Variants in SPIN2A observed in about 807,000 individuals in gnomAD.
The protein encoded by SPIN2A is spindlin-2A.
SPIN2A carries 4 observed loss-of-function variants against 9.2 expected under a neutral mutation model. The observed-to-expected ratio is 0.44, with a 90% confidence interval of 0.21 to 1.00. The LOEUF (loss-of-function observed/expected upper bound fraction) is 1.00. Ranked by LOEUF, SPIN2A falls within the 50% of genes least tolerant of loss-of-function variation. The pLI is 0.26. For missense variants in SPIN2A, 77 were observed against 172.8 expected (o/e 0.45, Z 3.11); for synonymous variants, 25 against 61.2 (o/e 0.41, Z 2.76).
chrX:57,144,944 A>ACACC, the SPIN2A span, among the ~76,000 whole-genome samples: 2 of 108,164 alleles, frequency 1.8e-5, no homozygotes, highest in East Asian at 2.9e-4. Flanking sequence ...ACACACACAC[A>ACACC]CCACAATTTC....
chrX:57,138,531 A>G (rs1927905409), upstream of SPIN2A, among the ~76,000 whole-genome samples: 1 of 111,100 alleles, frequency 9.0e-6, no homozygotes, highest in Admixed American at 9.6e-5. Flanking sequence ...ATGTGAGTGC[A>G]GATAGCTCGT....
upstream of SPIN2A, chrX:57,137,406 C>A (rs1020285120): frequency 5.4e-6 from 4 of 734,154 alleles, no homozygotes; most frequent in Non-Finnish European, 6.4e-6. Context: ...AGCACTGCAG[C>A]GGTGTCCCCA....
downstream of SPIN2A, chrX:57,135,183 TC>T (rs1927649873): frequency 8.6e-6 from 1 of 115,956 alleles, no homozygotes; most frequent in African/African-American, 3.3e-5. Flanking sequence ...CATAGCCTCT[TC>T]CTTTGTGTAT....
Position 57,135,940 on chromosome X carries a change from C to A in SPIN2A, c.658G>T (p.Asp220Tyr). 1.7e-6 allele frequency: 2 copies of A among 1,210,156 alleles called. No individual in the cohort carries two copies. Among genetic ancestry groups the A allele is most frequent in the Non-Finnish European group, 2.2e-6 (2 of 894,789 alleles). Residue 220 changes from aspartate to tyrosine, a missense_variant, in exon 2 of 2, where the codon GAT becomes TAT. This residue lies in a region of SPIN2A where 36 missense variants were observed against 47.6 expected (regional missense o/e 0.76). Transcript: ENST00000374906. ...ACCATGCCGATCCTTTTGGAGCCAT[C>A]TTCTTTGGTATATTCCACATGCTTA... ...IGKHVEYTKE[D>Y]GSKRIGMVIH...
At chrX:57,146,359 T>C in the SPIN2A span, among the ~76,000 whole-genome samples, 1 of 111,779 alleles carries the variant, frequency 8.9e-6, no homozygotes, top group Admixed American at 9.5e-5. Flanking sequence ...TTGATTTGAT[T>C]CTCAGCTTGG....
Position 57,136,146 on chromosome X carries a change from A to G in SPIN2A, c.452T>C (p.Val151Ala). ...HGSKDEWRGM[V>A]LAQAPIMKAW... ...TTTCATGATAGGTGCTTGAGCTAAG[A>G]CCATCCCCCTCCATTCATCCTTAGA... Residue 151 changes from valine to alanine, a missense_variant, in exon 2 of 2, where the codon GTC becomes GCC. By Grantham distance (64) the Val-to-Ala change is moderately conservative. Coordinates refer to ENST00000374906, the MANE Select transcript of SPIN2A (RefSeq NM_019003.5). 8.3e-7 allele frequency: 1 copy of G among 1,209,941 alleles called. No homozygotes were observed. Among genetic ancestry groups the G allele is most frequent in the Non-Finnish European group, 1.1e-6 (1 of 895,108 alleles).
intron 1 of SPIN2A, chrX:57,136,889 CT>C (rs1328196492): frequency 8.9e-6 from 6 of 674,003 alleles, no homozygotes; most frequent in Non-Finnish European, 1.1e-5. Context: ...TCCCTTTACC[CT>C]TTACTGCCAC....
At chrX:57,135,599 A>G, downstream of SPIN2A, 1 of 731,980 alleles carries the variant, frequency 1.4e-6, no homozygotes. Flanking sequence ...TGCCCCATCT[A>G]CCAAACACAC....
intron 1 of SPIN2A, 180 bp downstream of exon 1, chrX:57,137,080 C>T: frequency 1.3e-6 from 1 of 792,500 alleles, no homozygotes; most frequent in Admixed American, 6.9e-5. Context: ...TATTCCTACC[C>T]CCTTTCCCTG....
chrX:57,143,419 C>T, the SPIN2A span, among the ~76,000 whole-genome samples: 8 of 110,386 alleles, frequency 7.2e-5, no homozygotes, highest in African/African-American at 2.6e-4. Context: ...TCCCCCCTTA[C>T]GACTTTTTGT....
upstream of SPIN2A, among the ~76,000 whole-genome samples, chrX:57,139,485 C>T (rs955016528): frequency 3.6e-5 from 4 of 111,404 alleles, no homozygotes; most frequent in Admixed American, 9.5e-5. Flanking sequence ...TTTTTTGAGA[C>T]GGAGTCTTGC....
intron 1 of SPIN2A, chrX:57,136,839 G>GC: frequency 2.2e-6 from 1 of 446,413 alleles, no homozygotes; most frequent in Non-Finnish European, 3.8e-6. Flanking sequence ...CTCTGCAGAA[G>GC]TGGCTGGGCC....
chrX:57,146,370 T>G, the SPIN2A span, among the ~76,000 whole-genome samples: 3 of 111,732 alleles, frequency 2.7e-5, no homozygotes, highest in African/African-American at 9.7e-5. Flanking sequence ...CTCAGCTTGG[T>G]CACTGTTGGT....
chrX:57,143,670 G>C, the SPIN2A span, among the ~76,000 whole-genome samples: 1 of 110,473 alleles, frequency 9.1e-6, no homozygotes, highest in African/African-American at 3.3e-5. Flanking sequence ...TAGACAGGGG[G>C]TTTCTCCATG....
upstream of SPIN2A, among the ~76,000 whole-genome samples, chrX:57,141,330 A>G (rs1244340515): frequency 1.8e-5 from 2 of 112,076 alleles, no homozygotes; most frequent in Non-Finnish European, 3.8e-5. Context: ...TGTTGGATTC[A>G]GTTTGCTAGT....
rs753743573 is a variant in SPIN2A, at chrX:57,137,081, C to G, written c.-6+179G>C. ...CCTTGTCTGGCTCCTATTCCTACCCCCTTTCCCTGTCGTCCACCGCACTCC... is the reference window on the plus strand; with the variant it reads ...CCTTGTCTGGCTCCTATTCCTACCCGCTTTCCCTGTCGTCCACCGCACTCC... On this transcript the variant is annotated intron_variant, in intron 1 of 1. Transcript: ENST00000374906. 3.8e-5 allele frequency: 30 copies of G among 789,857 alleles called. No homozygotes were observed. The South Asian group carries it at 1.2e-3, about 30-fold the overall frequency. The allele number at this position is 789,857 out of a possible 1,213,427, so 65.1% of individuals were successfully genotyped here.
At chrX:57,137,015 T>A in intron 1 of SPIN2A, 1 of 847,070 alleles carries the variant, frequency 1.2e-6, no homozygotes, top group Non-Finnish European at 1.4e-6. Context: ...ACCACTTCCC[T>A]GTTACCTACC....
At chrX:57,140,417 CAA>C (rs60570721), upstream of SPIN2A, among the ~76,000 whole-genome samples, 4 of 64,795 alleles carry the variant, frequency 6.2e-5, no homozygotes, top group East Asian at 4.5e-4. Flanking sequence ...CCATCTCTAC[CAA>C]AAAAAAAAAA....
the SPIN2A span, among the ~76,000 whole-genome samples, chrX:57,146,578 C>T: frequency 8.9e-6 from 1 of 111,935 alleles, no homozygotes; most frequent in Non-Finnish European, 1.9e-5. Context: ...TCTGATTGCT[C>T]TTGCTAGGAC....
Sources: allele counts gnomAD v4.1 joint callset (sites outside exome capture counted in the v4.1 genomes callset), GRCh38; gene constraint gnomAD v4.1.1; regional missense constraint gnomAD v4.1.1; transcripts MANE v1.5; gene names NCBI Gene and HGNC (gene_info 2026-07-23, HGNC 2026-07-21).